The following CUL3 variants were observed in gnomAD, a reference collection of about 807,000 sequenced individuals.
CUL3 encodes the protein cullin 3, also known as cullin-3.
Under a neutral mutation model 89.1 loss-of-function variants are expected in CUL3, and 19 were observed. The ratio of observed to expected loss-of-function variants is 0.21; its 90% confidence interval spans 0.15 to 0.31. The LOEUF (loss-of-function observed/expected upper bound fraction) is 0.31. Ranked by LOEUF, CUL3 falls within the 10% of genes least tolerant of loss-of-function variation. CUL3 has a pLI of 1.00. For synonymous variants in CUL3, 351 were observed against 308.4 expected, an observed-to-expected ratio of 1.14 and a Z score of -1.45; for missense variants, 469 against 942.3, an observed-to-expected ratio of 0.50 and a Z score of 6.58.
At chr2:224,503,156 T>C (rs1692455138) in intron 9 of CUL3, 84 bp from the exon 10 acceptor site, 1 of 887,538 alleles carries the variant, frequency 1.1e-6, no homozygotes, top group Non-Finnish European at 1.8e-6. Flanking sequence ...TTATTTCATG[T>C]TATTGCTATC....
At position 224,472,334 on chromosome 2, in the gene CUL3, T is replaced by C. The variant is rs996510322; in HGVS notation, c.*1911A>G. On this transcript the variant is annotated 3_prime_UTR_variant, in exon 16 of 16. Coordinates refer to ENST00000264414, the MANE Select transcript of CUL3 (RefSeq NM_003590.5). ...CTTAGGAGATTTCAAATAAAGTTTT[T>C]ACATCGCTCATGTTTACTAACTCGA... 1.9e-5 allele frequency: 4 copies of C among 211,790 alleles called. No homozygotes were observed. Among genetic ancestry groups the C allele is most frequent in the Non-Finnish European group, 2.9e-5 (3 of 104,736 alleles). The allele number at this position is 211,790 out of a possible 1,614,324, so 13.1% of individuals were successfully genotyped here. A position where few individuals can be genotyped will look rare whatever the true frequency, so the allele number is the denominator to read the frequency against.
At chr2:224,502,890 C>A in intron 10 of CUL3, 75 bp downstream of exon 10, 1 of 999,874 alleles carries the variant, frequency 1.0e-6, no homozygotes. Context: ...CTGTCATCTG[C>A]TAAGTGGATG....
chr2:224,573,826 C>T lies in CUL3; in HGVS notation c.66+11118G>A, dbSNP rs570663212. On this transcript the variant is annotated intron_variant, in intron 1 of 15. Transcript: ENST00000264414. ...CCAAATAGATTTAAAACAGGAGTAA[C>T]CACATTATACTTAAAATTGTTTTCA... Among the ~76,000 whole-genome samples, 44 of 152,146 alleles carry T rather than the reference C, an allele frequency of 2.9e-4. 1 individual carries two copies. Among genetic ancestry groups the T allele is most frequent in the Admixed American group, 3.9e-4 (6 of 15,292 alleles).
At chr2:224,563,627 A>G (rs1027901968) in intron 1 of CUL3, among the ~76,000 whole-genome samples, 3 of 152,212 alleles carry the variant, frequency 2.0e-5, no homozygotes, top group Non-Finnish European at 4.4e-5. Context: ...AGAAATATCA[A>G]TTCATAAACT....
intron 3 of CUL3, among the ~76,000 whole-genome samples, chr2:224,516,642 T>C (rs1693062443): frequency 6.7e-6 from 1 of 149,914 alleles, no homozygotes; most frequent in Non-Finnish European, 1.5e-5. Flanking sequence ...TGGCTAACAC[T>C]GTTTTTTGTT....
rs1302184540 is a variant in CUL3 at position 224,485,825 on chromosome 2, C to A, written c.1843-3747G>T. Among the ~76,000 whole-genome samples, 2 of 152,212 alleles carry A rather than the reference C, an allele frequency of 1.3e-5. No homozygotes were observed. Among genetic ancestry groups the A allele is most frequent in the Non-Finnish European group, 2.9e-5 (2 of 68,032 alleles). ...ATGCCTCCCTGACAGGAGACACCTC[C>A]CAGCAGGGGTCAACAGACACCTCAT... On this transcript the variant is annotated intron_variant, in intron 13 of 15. Coordinates refer to ENST00000264414, the MANE Select transcript of CUL3 (RefSeq NM_003590.5). The surrounding 1 kb of genome is among the most constrained non-coding windows in gnomAD (Gnocchi z 4.1).
chr2:224,531,255 T>A (rs1693686422), intron 3 of CUL3, among the ~76,000 whole-genome samples: 2 of 151,674 alleles, frequency 1.3e-5, no homozygotes. Context: ...CCTAGCAAAT[T>A]TTTTGTGTTT....
At chr2:224,502,814 T>C in intron 10 of CUL3, 151 bp downstream of exon 10, 1 of 600,740 alleles carries the variant, frequency 1.7e-6, no homozygotes, top group Non-Finnish European at 2.9e-6. Flanking sequence ...TAAGAGGCAA[T>C]GTGAAGGAAA....
At chr2:224,580,946 G>C (rs1435794850) in intron 1 of CUL3, among the ~76,000 whole-genome samples, 1 of 151,762 alleles carries the variant, frequency 6.6e-6, no homozygotes. Context: ...AAAGAAATGG[G>C]GGCGTGGATT....
At chr2:224,580,830 A>G (rs750369565) in intron 1 of CUL3, among the ~76,000 whole-genome samples, 9 of 152,084 alleles carry the variant, frequency 5.9e-5, no homozygotes, top group African/African-American at 9.7e-5. Flanking sequence ...ACACAATTCT[A>G]TATTTTTTTA....
At chr2:224,475,208 G>A (rs566563479) in intron 15 of CUL3, among the ~76,000 whole-genome samples, 4 of 152,152 alleles carry the variant, frequency 2.6e-5, no homozygotes, top group East Asian at 1.9e-4. Flanking sequence ...TAGTAGAGAC[G>A]GGGTTTCATC....
In CUL3 at chr2:224,542,614, C is replaced by T. The variant is rs575566534; in HGVS notation, c.265-6973G>A. Among the ~76,000 whole-genome samples the T allele has an allele frequency of 1.6e-4, 24 of 152,134 alleles. 1 individual carries two copies. The highest frequency in any genetic ancestry group is 5.3e-4 in the African/African-American group (22 of 41,490). Reference sequence around the variant, plus strand: ...GTAGGTAAGGGGTCTTACTGTTTTGCCCAAGCTGGTCTCGAAGTCCTGGCC... The same window carrying T: ...GTAGGTAAGGGGTCTTACTGTTTTGTCCAAGCTGGTCTCGAAGTCCTGGCC... On this transcript the variant is annotated intron_variant, in intron 2 of 15. Coordinates refer to ENST00000264414, the MANE Select transcript of CUL3 (RefSeq NM_003590.5).
intron 1 of CUL3, among the ~76,000 whole-genome samples, chr2:224,580,145 C>T (rs1019996776): frequency 1.3e-5 from 2 of 152,150 alleles, no homozygotes; most frequent in Non-Finnish European, 2.9e-5. Context: ...CCTTGTTCCT[C>T]TGCATACAAA....
chr2:224,517,604 C>CA (rs1280917279), intron 3 of CUL3, among the ~76,000 whole-genome samples: 2 of 152,172 alleles, frequency 1.3e-5, no homozygotes, highest in African/African-American at 4.8e-5. Context: ...ACCCAGTAGA[C>CA]AGAGGCTGCA....
intron 2 of CUL3, among the ~76,000 whole-genome samples, chr2:224,552,421 C>T (rs1041210362): frequency 1.3e-5 from 2 of 152,092 alleles, no homozygotes; most frequent in African/African-American, 4.8e-5. Context: ...CTTCCAGAGA[C>T]AAGAAAAATA....
At chr2:224,584,335 A>G (rs914191962) in intron 1 of CUL3, among the ~76,000 whole-genome samples, 1 of 152,122 alleles carries the variant, frequency 6.6e-6, no homozygotes, top group Admixed American at 6.5e-5. Flanking sequence ...AAGAGTTTGT[A>G]AAGTGCTTAG....
rs534506778 is a variant in CUL3 at position 224,519,935 on chromosome 2, GA to G, written c.379-5164del. 7.4e-4 allele frequency among the ~76,000 whole-genome samples: 104 copies of G among 140,098 alleles called. 1 individual carries two copies. The highest frequency in any genetic ancestry group is 9.1e-4 in the South Asian group (4 of 4,412). The allele number at this position is 140,098 out of a possible 152,430, so 91.9% of individuals were successfully genotyped here. ...AGATTTTAAAAATCATTCCAAAAGA[GA>G]AAAAAAAAAAATTAAAGACTGATTT... On this transcript the variant is annotated intron_variant, in intron 3 of 15. Transcript: ENST00000264414.
At chr2:224,511,176 C>T (rs1046068368) in intron 6 of CUL3, among the ~76,000 whole-genome samples, 178 bp downstream of exon 6, 4 of 152,050 alleles carry the variant, frequency 2.6e-5, no homozygotes, top group African/African-American at 7.2e-5. Context: ...CTAAAATCTT[C>T]GTTAGTAAGA....
At chr2:224,569,802 A>G (rs1482838734) in intron 1 of CUL3, 2 of 1,126,962 alleles carry the variant, frequency 1.8e-6, no homozygotes, top group Non-Finnish European at 2.2e-6. Context: ...AGAAGTCTTT[A>G]GTCCTCTGTG....
Sources: gnomAD v4.1 joint callset for allele counts (sites outside exome capture counted in the v4.1 genomes callset) on GRCh38, gnomAD v4.1.1 for gene constraint, Gnocchi (gnomAD v3.1) non-coding constraint, MANE v1.5 for transcripts, NCBI Gene and HGNC (gene_info 2026-07-23, HGNC 2026-07-21) for gene names.